DCTD: variants seen among roughly 807,000 people sequenced by gnomAD.
DCTD encodes the protein deoxycytidylate deaminase.
DCTD carries 23 observed loss-of-function variants against 21.0 expected under a neutral mutation model. The ratio of observed to expected loss-of-function variants is 1.09; its 90% CI spans 0.79 to 1.55. DCTD has a LOEUF of 1.55. Among genes scored for constraint, DCTD ranks in the 40% most tolerant of loss-of-function variants. DCTD has a pLI of 0.00. For synonymous variants in DCTD, 71 were observed against 81.1 expected, an observed-to-expected ratio of 0.88 and a Z score of 0.67; for missense variants, 224 against 230.0, an observed-to-expected ratio of 0.97 and a Z score of 0.17.
intron 3 of DCTD, among the ~76,000 whole-genome samples, chr4:182,898,588 C>A (rs1735162484): frequency 6.6e-6 from 1 of 152,178 alleles, no homozygotes. Context: ...CTCCTCTCCC[C>A]AGGCAAACAC....
intron 3 of DCTD, among the ~76,000 whole-genome samples, chr4:182,898,409 G>C (rs573258732): frequency 6.6e-6 from 1 of 152,352 alleles, no homozygotes; most frequent in East Asian, 1.9e-4. Flanking sequence ...TTGCAGGAGT[G>C]ACAGTGGATC....
intron 1 of DCTD, chr4:182,916,757 C>T (rs72553959): frequency 0.017 from 18,271 of 1,103,834 alleles, 191 homozygotes; most frequent in Non-Finnish European, 0.018. Flanking sequence ...CCATGGGGGG[C>T]GAGGGAAGAG....
rs114824732 is a variant in DCTD, at chr4:182,914,620, C to T, written c.244+303G>A. ...AAGGGGCTGTGACCCTCTGCAGAGA[C>T]GCCGACTATCAGTGCACTGGTGTGG... On this transcript the variant is annotated intron_variant, in intron 3 of 5. Coordinates refer to ENST00000438320, the MANE Select transcript of DCTD (RefSeq NM_001921.3). Among the ~76,000 whole-genome samples the T allele has an allele frequency of 8.3e-3, 1,264 of 152,316 alleles. 18 individuals carry two copies. Among genetic ancestry groups the T allele is most frequent in the African/African-American group, 0.028 (1,164 of 41,568 alleles).
At chr4:182,917,401 G>A (rs1172818933), upstream of DCTD, 3 of 1,073,452 alleles carry the variant, frequency 2.8e-6, no homozygotes, top group Non-Finnish European at 2.3e-6. The surrounding 1 kb of genome is among the most constrained non-coding windows in gnomAD (Gnocchi z 4.9). Context: ...CGGGGCCGCC[G>A]CGGGGCCGGA....
At chr4:182,893,669 A>C (rs10001362) in intron 4 of DCTD, among the ~76,000 whole-genome samples, 2,882 of 152,362 alleles carry the variant, frequency 0.019, 91 homozygotes, top group African/African-American at 0.066. Context: ...TCAGCCTCTG[A>C]AGGCAGAGGA....
chr4:182,916,826 C>G (rs2152865963), intron 1 of DCTD: 1 of 1,089,220 alleles, frequency 9.2e-7, no homozygotes, highest in Non-Finnish European at 1.1e-6. Flanking sequence ...TGGCTGAACG[C>G]CCACTAGAGC....
intron 1 of DCTD, chr4:182,916,787 G>A: frequency 1.8e-6 from 2 of 1,127,678 alleles, no homozygotes; most frequent in Non-Finnish European, 2.2e-6. Flanking sequence ...GAAGGGTCCT[G>A]TTAATCCCCT....
rs1355894571 is a variant in DCTD, at chr4:182,896,232, G to T, written c.245-1627C>A. On this transcript the variant is annotated intron_variant, in intron 3 of 5. Transcript: ENST00000438320. Reference sequence around the variant, plus strand: ...CGTACTCTGGGTCAGAGAGATGAAGGCCTGGCCACTCTCCTCAGCCACCCT... The same window carrying T: ...CGTACTCTGGGTCAGAGAGATGAAGTCCTGGCCACTCTCCTCAGCCACCCT... 2.6e-5 allele frequency among the ~76,000 whole-genome samples: 4 copies of T among 152,244 alleles called. No homozygotes were observed. The East Asian group carries it at 5.8e-4, about 22-fold the overall frequency.
Position 182,890,551 on chromosome 4 carries a change from T to C in DCTD, c.*848A>G, listed in dbSNP as rs1028371137. On this transcript the variant is annotated 3_prime_UTR_variant, in exon 6 of 6. Transcript: ENST00000438320. ...ATGCGGAGGAGGGGCAACACATCCATGTTGGGGACCCCTCCCATCCACAGC... is the reference window on the plus strand; with the variant it reads ...ATGCGGAGGAGGGGCAACACATCCACGTTGGGGACCCCTCCCATCCACAGC... 2.0e-5 allele frequency: 3 copies of C among 152,254 alleles called. No individual in the cohort carries two copies. The highest frequency in any genetic ancestry group is 1.9e-4 in the East Asian group (1 of 5,184). 9.4% of individuals were successfully genotyped at this position (152,254 alleles called of 1,614,324 possible). A position where few individuals can be genotyped will look rare whatever the true frequency, so the allele number is the denominator to read the frequency against.
upstream of DCTD, chr4:182,917,390 G>A (rs1448923553): frequency 2.8e-6 from 3 of 1,084,568 alleles, no homozygotes; most frequent in Non-Finnish European, 3.4e-6. The surrounding 1 kb of genome is among the most constrained non-coding windows in gnomAD (Gnocchi z 4.9). Context: ...GGGGGAGGAG[G>A]CGGGGCCGCC....
chr4:182,894,511 G>A lies in DCTD; in HGVS notation c.339C>T (p.Cys113=), dbSNP rs750298019. 1.6e-5 allele frequency: 25 copies of A among 1,612,232 alleles called. No homozygotes were observed. The highest frequency in any genetic ancestry group is 1.1e-4 in the African/African-American group (8 of 74,874). Residue 113 remains cysteine (C), a synonymous_variant, in exon 4 of 6, where the codon TGC becomes TGT. Coordinates refer to ENST00000438320, the MANE Select transcript of DCTD (RefSeq NM_001921.3). ...TACCTGCCTGGATGATGAGCTTAGC[G>A]CATTCATTACAAGGGAACAAGGCAA... ...MYVALFPCNE[C]AKLIIQAGIK...
chr4:182,916,782 G>A, intron 1 of DCTD: 1 of 1,127,926 alleles, frequency 8.9e-7, no homozygotes, highest in South Asian at 1.8e-5. Flanking sequence ...AGAGGGAAGG[G>A]TCCTGTTAAT....
At chr4:182,891,509 T>G in intron 5 of DCTD, 32 bp from the exon 6 acceptor site, 1 of 1,425,648 alleles carries the variant, frequency 7.0e-7, no homozygotes, top group Non-Finnish European at 9.9e-7. Context: ...AATTATTATC[T>G]GGTGAGTAGT....
rs767899294 is a variant in DCTD, at chr4:182,893,133, A to C, written c.362-6T>G. 1 of 1,560,650 alleles carries C rather than the reference A, an allele frequency of 6.4e-7. No homozygotes were observed. Among genetic ancestry groups the C allele is most frequent in the East Asian group, 2.2e-5 (1 of 44,630 alleles). On this transcript the variant is annotated splice_polypyrimidine_tract_variant and splice_region_variant and intron_variant, in intron 4 of 5. Coordinates refer to ENST00000438320, the MANE Select transcript of DCTD (RefSeq NM_001921.3). ...GAAAATCACTTCTTTTATACCTGTA[A>C]GGTAACAATGGGAGCTCCCTTAGTG... is the stretch of plus-strand genomic sequence containing the variant.
rs779424469 is a variant in DCTD at position 182,917,101 on chromosome 4, A to G, written c.-8+210T>C. On this transcript the variant is annotated intron_variant, in intron 1 of 5. Transcript: ENST00000438320. This position sits in a 1 kb window ranked among gnomAD's most constrained non-coding sequence, Gnocchi z 4.9. ...GGCCGCGGCGCCCGCCGAGAAATCG[A>G]CCCTGGAGTGACTGCGGGGACCCCG... 8.1e-6 allele frequency: 8 copies of G among 987,206 alleles called. No individual in the cohort carries two copies. Among genetic ancestry groups the G allele is most frequent in the Non-Finnish European group, 8.4e-6 (7 of 831,590 alleles). 61.2% of individuals were successfully genotyped at this position (987,206 alleles called of 1,614,324 possible).
chr4:182,913,866 G>T (rs996426334), intron 3 of DCTD, among the ~76,000 whole-genome samples: 10 of 152,288 alleles, frequency 6.6e-5, no homozygotes, highest in African/African-American at 2.4e-4. Flanking sequence ...ATTTTCCCTG[G>T]GGCTTAGACA....
intron 3 of DCTD, among the ~76,000 whole-genome samples, chr4:182,913,149 CA>C (rs1184659003): frequency 4.6e-5 from 7 of 152,212 alleles, no homozygotes; most frequent in Admixed American, 2.6e-4. Flanking sequence ...TTCTTACCAT[CA>C]AAAGCTTATA....
chr4:182,914,907 A>G lies in DCTD; in HGVS notation c.244+16T>C, dbSNP rs772747774. 2 of 1,614,210 alleles carry G rather than the reference A, an allele frequency of 1.2e-6. No homozygotes were observed. The highest frequency in any genetic ancestry group is 1.6e-4 in the Middle Eastern group (1 of 6,062). Reference sequence around the variant, plus strand: ...GCTATGTCACTAAGCAGAATGGGACATAAAACTTGCCCTACCGTACGGGTA... The same window carrying G: ...GCTATGTCACTAAGCAGAATGGGACGTAAAACTTGCCCTACCGTACGGGTA... On this transcript the variant is annotated intron_variant, in intron 3 of 5. Coordinates refer to ENST00000438320, the MANE Select transcript of DCTD (RefSeq NM_001921.3).
At chr4:182,904,399 C>G (rs771364341) in intron 3 of DCTD, among the ~76,000 whole-genome samples, 1 of 152,198 alleles carries the variant, frequency 6.6e-6, no homozygotes, top group South Asian at 2.1e-4. Context: ...ACAACAGCAC[C>G]AAGAGAAACA....
Sources: gnomAD v4.1 joint callset for allele counts (sites outside exome capture counted in the v4.1 genomes callset) on GRCh38, gnomAD v4.1.1 for gene constraint, Gnocchi (gnomAD v3.1) non-coding constraint, MANE v1.5 for transcripts, NCBI Gene and HGNC (gene_info 2026-07-23, HGNC 2026-07-21) for gene names.